Variants in JAKMIP3 observed in about 807,000 individuals in gnomAD.
JAKMIP3 encodes the protein Janus kinase and microtubule interacting protein 3, also known as janus kinase and microtubule-interacting protein 3.
A neutral mutation model predicts 118.5 loss-of-function variants in JAKMIP3; 58 were observed. That is an observed-to-expected ratio of 0.49 (90% CI 0.40 to 0.61). The LOEUF (loss-of-function observed/expected upper bound fraction) is 0.61. Ranked by LOEUF, JAKMIP3 falls within the 20% of genes least tolerant of loss-of-function variation. JAKMIP3 has a pLI of 0.00. For synonymous variants in JAKMIP3, 486 were observed against 451.2 expected (o/e 1.08, Z -0.98); for missense variants, 950 against 1,109.0 (o/e 0.86, Z 2.04).
At chr10:132,073,625 T>G (rs1402454069) in intron 1 of JAKMIP3, among the ~76,000 whole-genome samples, 1 of 151,988 alleles carries the variant, frequency 6.6e-6, no homozygotes, top group Non-Finnish European at 1.5e-5. Flanking sequence ...GCCTTCTAAG[T>G]AGCTTGGACT....
At chr10:132,148,397 A>C (rs1445987721) in intron 14 of JAKMIP3, among the ~76,000 whole-genome samples, 2 of 152,200 alleles carry the variant, frequency 1.3e-5, no homozygotes, top group Non-Finnish European at 2.9e-5. Context: ...GACGGGTGAC[A>C]GTGCAGCATC....
chr10:132,118,389 G>C lies in JAKMIP3; in HGVS notation c.633+815G>C, dbSNP rs1355040920. Among the ~76,000 whole-genome samples, 1 of 152,198 alleles carries C rather than the reference G, an allele frequency of 6.6e-6. No homozygotes were observed. Among genetic ancestry groups the C allele is most frequent in the Non-Finnish European group, 1.5e-5 (1 of 68,018 alleles). On this transcript the variant is annotated intron_variant, in intron 3 of 23. Coordinates refer to ENST00000684848, the MANE Select transcript of JAKMIP3 (RefSeq NM_001323087.2). The surrounding 1 kb of genome is among the most constrained non-coding windows in gnomAD (Gnocchi z 4.8). ...GTCCTGTGATTTTGGGGGAAATGGA[G>C]CTCTGTCTTAGAGGTGCGTGCCCCA...
At chr10:132,109,510 G>A (rs1244978784) in intron 2 of JAKMIP3, among the ~76,000 whole-genome samples, 7 of 152,076 alleles carry the variant, frequency 4.6e-5, no homozygotes, top group African/African-American at 9.7e-5. Context: ...GTCCCCCTGC[G>A]CCCGGGCGTC....
rs1554963413 is a variant in JAKMIP3, at chr10:132,180,748, C to CGCGTGTGTGT, written c.*1104-1606_*1104-1605insTGTGTGTGCG. Among the ~76,000 whole-genome samples the CGCGTGTGTGT allele has an allele frequency of 4.8e-4, 4 of 8,328 alleles. 2 individuals carry two copies. The highest frequency in any genetic ancestry group is 2.8e-3 in the African/African-American group (4 of 1,450). The allele number at this position is 8,328 out of a possible 152,430, so 5.5% of individuals were successfully genotyped here. A position where few individuals can be genotyped will look rare whatever the true frequency, so the allele number is the denominator to read the frequency against. ...GTGTGTGCGTGTGTGCGTGCGTGCG[C>CGCGTGTGTGT]GCGCGTGTGTGCGTGTGTGTGCGTG... On this transcript the variant is annotated intron_variant, in intron 23 of 23. Transcript: ENST00000684848.
At position 132,180,772 on chromosome 10, in the gene JAKMIP3, T is replaced by TGTGTGTGC. The variant is rs1554963486; in HGVS notation, c.*1104-1578_*1104-1577insCGTGTGTG. Among the ~76,000 whole-genome samples, 163 of 63,678 alleles carry TGTGTGTGC rather than the reference T, an allele frequency of 2.6e-3. 57 individuals carry two copies. Among genetic ancestry groups the TGTGTGTGC allele is most frequent in the Middle Eastern group, 7.5e-3 (1 of 134 alleles). The allele number at this position is 63,678 out of a possible 152,430, so 41.8% of individuals were successfully genotyped here. On this transcript the variant is annotated intron_variant, in intron 23 of 23. Coordinates refer to ENST00000684848, the MANE Select transcript of JAKMIP3 (RefSeq NM_001323087.2). Reference sequence around the variant, plus strand: ...GCGCGCGTGTGTGCGTGTGTGTGCGTGTGTGTGTGTGCGCGTATGCATGTG... The same window carrying TGTGTGTGC: ...GCGCGCGTGTGTGCGTGTGTGTGCGTGTGTGTGCGTGTGTGTGTGCGCGTATGCATGTG...
chr10:132,092,814 G>A (rs1307481017), intron 1 of JAKMIP3, among the ~76,000 whole-genome samples: 1 of 152,222 alleles, frequency 6.6e-6, no homozygotes, highest in Non-Finnish European at 1.5e-5. Context: ...CTGGCGAGGA[G>A]CTGCATTCCT....
chr10:132,160,235 TG>T (rs773569291), intron 19 of JAKMIP3, among the ~76,000 whole-genome samples: 63 of 3,414 alleles, frequency 0.018, no homozygotes, highest in East Asian at 0.11. Flanking sequence ...TGTGTGATGC[TG>T]GGGGGGGCCT....
At chr10:132,051,408 C>T (rs1220205526) in intron 1 of JAKMIP3, among the ~76,000 whole-genome samples, 3 of 150,966 alleles carry the variant, frequency 2.0e-5, no homozygotes, top group Admixed American at 1.3e-4. Flanking sequence ...CTTGTTAATT[C>T]CAGCCGTTCT....
At chr10:132,107,433 G>A (rs1283283571) in intron 2 of JAKMIP3, among the ~76,000 whole-genome samples, 8 of 152,204 alleles carry the variant, frequency 5.3e-5, no homozygotes, top group Non-Finnish European at 1.2e-4. Flanking sequence ...ACCCAGACCC[G>A]CTGGGCACCC....
intron 1 of JAKMIP3, among the ~76,000 whole-genome samples, chr10:132,058,900 A>G (rs1171097019): frequency 6.6e-6 from 1 of 152,238 alleles, no homozygotes; most frequent in Non-Finnish European, 1.5e-5. Flanking sequence ...AGGATTCCGG[A>G]CGGAGCTTCT....
At chr10:132,127,175 A>G (rs1156663980) in intron 3 of JAKMIP3, among the ~76,000 whole-genome samples, 2 of 150,952 alleles carry the variant, frequency 1.3e-5, no homozygotes, top group African/African-American at 4.9e-5. Context: ...TTCTTCAAGG[A>G]GTATATTCAG....
At chr10:132,057,752 G>C (rs2038277685) in intron 1 of JAKMIP3, among the ~76,000 whole-genome samples, 1 of 152,196 alleles carries the variant, frequency 6.6e-6, no homozygotes, top group African/African-American at 2.4e-5. Flanking sequence ...GAAGGCAGCT[G>C]GGTCCTGTGT....
At chr10:132,171,790 G>T (rs1287252404) in intron 23 of JAKMIP3, among the ~76,000 whole-genome samples, 1 of 151,946 alleles carries the variant, frequency 6.6e-6, no homozygotes, top group Non-Finnish European at 1.5e-5. Context: ...GAGTAGCGGG[G>T]ATTACAGGCA....
At chr10:132,040,419 T>G (rs2037699724) in intron 1 of JAKMIP3, among the ~76,000 whole-genome samples, 1 of 152,194 alleles carries the variant, frequency 6.6e-6, no homozygotes, top group Non-Finnish European at 1.5e-5. Flanking sequence ...TCTATACATC[T>G]GCTGGCTGCC....
chr10:132,112,642 C>T lies in JAKMIP3; in HGVS notation c.136-4435C>T, dbSNP rs147305086. ...TCTCCTGCCTTCCCCTGGGGACTGT[C>T]TGCTTATTACTGTGGGTACCTGAAT... On this transcript the variant is annotated intron_variant, in intron 2 of 23. Transcript: ENST00000684848. The surrounding 1 kb of genome is among the most constrained non-coding windows in gnomAD (Gnocchi z 4.3). Among the ~76,000 whole-genome samples the T allele has an allele frequency of 5.9e-5, 9 of 152,288 alleles. No individual in the cohort carries two copies. In the East Asian group the frequency reaches 1.7e-3, roughly 29 times the overall value.
intron 1 of JAKMIP3, among the ~76,000 whole-genome samples, chr10:132,082,602 C>T (rs981345612): frequency 2.0e-5 from 3 of 151,958 alleles, no homozygotes; most frequent in Admixed American, 1.3e-4. Flanking sequence ...TGTATATATA[C>T]ACCACAGTTT....
chr10:132,097,983 CCCCT>C, intron 1 of JAKMIP3, among the ~76,000 whole-genome samples: 1 of 42,120 alleles, frequency 2.4e-5, no homozygotes, highest in South Asian at 1.4e-3. Flanking sequence ...TTCTCCCCTT[CCCCT>C]TCCCCTTCCC....
intron 1 of JAKMIP3, among the ~76,000 whole-genome samples, chr10:132,057,410 G>A (rs997603389): frequency 6.6e-6 from 1 of 152,224 alleles, no homozygotes; most frequent in African/African-American, 2.4e-5. Flanking sequence ...CCAGAGCCCA[G>A]CGTGGGCAGG....
chr10:132,155,974 G>A (rs950759247), intron 19 of JAKMIP3, among the ~76,000 whole-genome samples: 2 of 152,160 alleles, frequency 1.3e-5, no homozygotes, highest in African/African-American at 4.8e-5. Context: ...GCTGCTGTGC[G>A]CTTAGCTTAC....
Sources: gnomAD v4.1 joint callset for allele counts (sites outside exome capture counted in the v4.1 genomes callset) on GRCh38, gnomAD v4.1.1 for gene constraint, Gnocchi (gnomAD v3.1) non-coding constraint, MANE v1.5 for transcripts, NCBI Gene and HGNC (gene_info 2026-07-23, HGNC 2026-07-21) for gene names.